PAPPA2: variants seen among roughly 807,000 people sequenced by gnomAD.
PAPPA2 encodes the protein pappalysin-2.
PAPPA2 carries 86 observed loss-of-function variants against 176.4 expected under a neutral mutation model. The observed-to-expected ratio is 0.49, with a 90% CI of 0.41 to 0.58. The LOEUF (loss-of-function observed/expected upper bound fraction) is 0.58. Among genes scored for constraint, PAPPA2 ranks in the 20% least tolerant of loss-of-function variants. The pLI, the probability that PAPPA2 is intolerant of heterozygous loss-of-function variation, is 0.00. For synonymous variants in PAPPA2, 809 were observed against 852.2 expected, an observed-to-expected ratio of 0.95 and a Z score of 0.88; for missense variants, 2,073 against 2,256.9, an observed-to-expected ratio of 0.92 and a Z score of 1.65.
intron 3 of PAPPA2, among the ~76,000 whole-genome samples, chr1:176,626,503 G>A (rs1308715496): frequency 6.6e-6 from 1 of 152,150 alleles, no homozygotes; most frequent in African/African-American, 2.4e-5. Flanking sequence ...ATAGTGTACA[G>A]CCATGCTCCT....
At chr1:176,552,347 TCCCTTCC>T (rs1450023920) in intron 1 of PAPPA2, among the ~76,000 whole-genome samples, 5 of 131,522 alleles carry the variant, frequency 3.8e-5, no homozygotes, top group African/African-American at 1.4e-4. Context: ...CTCGCCTTGC[TCCCTTCC>T]CCTTTCCCTC....
chr1:176,510,804 A>AAC (rs781596673), intron 1 of PAPPA2, among the ~76,000 whole-genome samples: 3 of 90,406 alleles, frequency 3.3e-5, no homozygotes, highest in African/African-American at 1.9e-4. Flanking sequence ...AATTTAAAGC[A>AAC]ACACATACAC....
chr1:176,830,113 A>C (rs1667027878), intron 21 of PAPPA2, among the ~76,000 whole-genome samples: 1 of 152,124 alleles, frequency 6.6e-6, no homozygotes, highest in Non-Finnish European at 1.5e-5. Context: ...TTATACCTGT[A>C]GTCCCAGCTA....
At chr1:176,795,570 G>C (rs907525459) in intron 20 of PAPPA2, among the ~76,000 whole-genome samples, 1 of 152,166 alleles carries the variant, frequency 6.6e-6, no homozygotes, top group African/African-American at 2.4e-5. Context: ...ATTTCATGGA[G>C]AATTTTTTTA....
intron 2 of PAPPA2, among the ~76,000 whole-genome samples, chr1:176,574,897 CA>C (rs1418566295): frequency 6.6e-6 from 1 of 152,220 alleles, no homozygotes; most frequent in Non-Finnish European, 1.5e-5. Context: ...AGTACAGTCA[CA>C]TGCTTTACAG....
intron 3 of PAPPA2, among the ~76,000 whole-genome samples, chr1:176,645,933 G>A (rs1657375065): frequency 6.6e-6 from 1 of 151,518 alleles, no homozygotes; most frequent in African/African-American, 2.4e-5. Flanking sequence ...TTTTAAATCG[G>A]ATTATTATTG....
chr1:176,508,472 AT>A (rs1648417962), intron 1 of PAPPA2, among the ~76,000 whole-genome samples: 1 of 152,220 alleles, frequency 6.6e-6, no homozygotes, highest in Non-Finnish European at 1.5e-5. Context: ...AATATCTTGA[AT>A]GAAAAATCAC....
intron 21 of PAPPA2, among the ~76,000 whole-genome samples, chr1:176,835,542 G>A (rs1482045718): frequency 6.6e-6 from 1 of 152,066 alleles, no homozygotes; most frequent in Non-Finnish European, 1.5e-5. Context: ...TTTTTGAGAC[G>A]GAGTTTCACT....
chr1:176,556,377 C>T lies in PAPPA2; in HGVS notation c.55C>T (p.Leu19Phe), dbSNP rs1187344384. 1 of 1,614,068 alleles carries T rather than the reference C, an allele frequency of 6.2e-7. No homozygotes were observed. Among genetic ancestry groups the T allele is most frequent in the Non-Finnish European group, 8.5e-7 (1 of 1,180,040 alleles). ...ISLAILAGWA[L>F]CSANSELGWT... ...CCTGGCGATTTTGGCTGGGTGGGCACTCTGTTCTGCCAACTCTGAGCTGGG... is the reference window on the plus strand; with the variant it reads ...CCTGGCGATTTTGGCTGGGTGGGCATTCTGTTCTGCCAACTCTGAGCTGGG... The change falls in exon 2 of 23, where the codon CTC (leucine) becomes TTC (phenylalanine). Residue 19 changes from leucine (L) to phenylalanine (F), a missense_variant. Around this residue, in one of 4 missense-constraint regions of PAPPA2, gnomAD observed 1,196 missense variants for 1,330.4 expected, o/e 0.90. Transcript: ENST00000367662.
chr1:176,653,072 T>C (rs1657829809), intron 3 of PAPPA2, among the ~76,000 whole-genome samples: 1 of 151,724 alleles, frequency 6.6e-6, no homozygotes, highest in Admixed American at 6.6e-5. Context: ...AGTCTGTTAC[T>C]TTAAGCAGGA....
intron 3 of PAPPA2, among the ~76,000 whole-genome samples, chr1:176,628,881 T>C (rs1656182556): frequency 6.6e-6 from 1 of 152,242 alleles, no homozygotes; most frequent in Non-Finnish European, 1.5e-5. Context: ...ACAAGATATA[T>C]TGCATTTGAC....
chr1:176,749,436 C>T (rs375151492), intron 14 of PAPPA2, among the ~76,000 whole-genome samples: 4 of 152,294 alleles, frequency 2.6e-5, no homozygotes, highest in East Asian at 1.9e-4. Context: ...GATGAACCTA[C>T]GTTGACACAT....
chr1:176,615,916 AC>A (rs2102684374), intron 3 of PAPPA2, among the ~76,000 whole-genome samples: 2 of 152,298 alleles, frequency 1.3e-5, no homozygotes, highest in South Asian at 4.1e-4. Context: ...GTGTTTTGGC[AC>A]CTAATCTTCC....
intron 3 of PAPPA2, among the ~76,000 whole-genome samples, chr1:176,625,479 C>A (rs1431262943): frequency 1.3e-5 from 2 of 152,148 alleles, no homozygotes; most frequent in African/African-American, 4.8e-5. Flanking sequence ...AGAAGCAAAT[C>A]AGTAAATACA....
chr1:176,767,252 T>A (rs1289887348), intron 15 of PAPPA2, among the ~76,000 whole-genome samples: 1 of 152,206 alleles, frequency 6.6e-6, no homozygotes, highest in East Asian at 1.9e-4. Flanking sequence ...ACATGTATAA[T>A]GCATTAAAAT....
At chr1:176,795,412 G>C (rs10913255) in intron 20 of PAPPA2, among the ~76,000 whole-genome samples, 10 of 151,842 alleles carry the variant, frequency 6.6e-5, no homozygotes, top group Non-Finnish European at 1.5e-4. Context: ...CTCAAAGAAA[G>C]CCTTTTTGTT....
intron 3 of PAPPA2, among the ~76,000 whole-genome samples, chr1:176,648,771 T>G (rs1014953710): frequency 6.6e-6 from 1 of 151,612 alleles, no homozygotes; most frequent in Non-Finnish European, 1.5e-5. Context: ...CCTTGCATTC[T>G]TGGGATAATC....
In PAPPA2 at chr1:176,503,552, T is replaced by C. The variant is rs537634487; in HGVS notation, c.-917+40134T>C. 2.6e-5 allele frequency among the ~76,000 whole-genome samples: 4 copies of C among 152,264 alleles called. No homozygotes were observed. In the East Asian group the frequency reaches 7.7e-4, roughly 29 times the overall value. ...TTTAAGAGATGGTTAATTAGAATCA[T>C]AAAAAAATTTAAAACATAGCCATAG... On this transcript the variant is annotated intron_variant, in intron 1 of 22. Coordinates refer to ENST00000367662, the MANE Select transcript of PAPPA2 (RefSeq NM_020318.3).
At chr1:176,641,435 A>C (rs1294777629) in intron 3 of PAPPA2, among the ~76,000 whole-genome samples, 2 of 151,258 alleles carry the variant, frequency 1.3e-5, no homozygotes, top group African/African-American at 2.4e-5. Context: ...AGCACCATTT[A>C]TTAAATAGGG....
Sources: allele counts gnomAD v4.1 joint callset (sites outside exome capture counted in the v4.1 genomes callset), GRCh38; gene constraint gnomAD v4.1.1; regional missense constraint gnomAD v4.1.1; transcripts MANE v1.5; gene names NCBI Gene and HGNC (gene_info 2026-07-23, HGNC 2026-07-21).